The following CACNG4 variants were observed in gnomAD, a reference collection of about 807,000 sequenced individuals.
The protein encoded by CACNG4 is voltage-dependent calcium channel gamma-4 subunit.
In CACNG4, 8 loss-of-function variants were observed where a neutral mutation model predicts 22.9. The ratio of observed to expected loss-of-function variants is 0.35; its 90% CI spans 0.21 to 0.63. CACNG4 has a LOEUF of 0.63. CACNG4 is among the 30% of genes least tolerant of loss of function. The pLI, the probability that CACNG4 is intolerant of heterozygous loss-of-function variation, is 0.72. For missense variants in CACNG4, 357 were observed against 455.4 expected, an observed-to-expected ratio of 0.78 and a Z score of 1.97; for synonymous variants, 188 against 191.9, an observed-to-expected ratio of 0.98 and a Z score of 0.17.
chr17:66,998,316 G>A (rs77724271), intron 1 of CACNG4, among the ~76,000 whole-genome samples: 4,664 of 152,062 alleles, frequency 0.031, 224 homozygotes, highest in African/African-American at 0.11. Context: ...TCCAACTCTG[G>A]GCTTAGGTGA....
chr17:66,993,149 C>T (rs1423416275), intron 1 of CACNG4, among the ~76,000 whole-genome samples: 1 of 152,262 alleles, frequency 6.6e-6, no homozygotes, highest in Non-Finnish European at 1.5e-5. Flanking sequence ...GACTCCAAGG[C>T]TGCCTGACGG....
intron 1 of CACNG4, among the ~76,000 whole-genome samples, chr17:67,003,457 G>A (rs900220140): frequency 5.9e-5 from 9 of 152,070 alleles, no homozygotes; most frequent in African/African-American, 7.2e-5. Flanking sequence ...CTGTGATCAG[G>A]GGAGAAAAGT....
At position 67,002,398 on chromosome 17, in the gene CACNG4, C is replaced by T. The variant is rs149370687; in HGVS notation, c.221-15791C>T. 1.5e-4 allele frequency among the ~76,000 whole-genome samples: 23 copies of T among 152,256 alleles called. No homozygotes were observed. In the East Asian group the frequency reaches 3.9e-3, roughly 26 times the overall value. On this transcript the variant is annotated intron_variant, in intron 1 of 3. Transcript: ENST00000262138. ...GATGAGATTTGCGTGGGGACATAGC[C>T]AAACCATATCAGGGAGGTGGTGAGA...
chr17:66,996,501 T>C (rs2143317579), intron 1 of CACNG4, among the ~76,000 whole-genome samples: 1 of 150,364 alleles, frequency 6.7e-6, no homozygotes, highest in Middle Eastern at 3.4e-3. Flanking sequence ...CACCTCGGCC[T>C]CCCCAGTAGC....
chr17:66,994,816 A>G (rs929196162), intron 1 of CACNG4, among the ~76,000 whole-genome samples: 5 of 152,094 alleles, frequency 3.3e-5, no homozygotes, highest in Non-Finnish European at 7.4e-5. Flanking sequence ...ACGTTCTCAG[A>G]GGCCAGTGGT....
At chr17:66,971,339 CT>C (rs2035203500) in intron 1 of CACNG4, among the ~76,000 whole-genome samples, 1 of 151,130 alleles carries the variant, frequency 6.6e-6, no homozygotes, top group African/African-American at 2.5e-5. Context: ...AGTTCAGTGA[CT>C]TTTGACCCTT....
chr17:66,991,056 C>G (rs146187979), intron 1 of CACNG4, among the ~76,000 whole-genome samples: 3 of 152,078 alleles, frequency 2.0e-5, no homozygotes, highest in Non-Finnish European at 4.4e-5. Context: ...TGAGTCAAAC[C>G]GTAAAGCGCT....
At chr17:66,977,300 C>A (rs2143283741) in intron 1 of CACNG4, among the ~76,000 whole-genome samples, 1 of 152,278 alleles carries the variant, frequency 6.6e-6, no homozygotes, top group South Asian at 2.1e-4. Flanking sequence ...ATACCTGAAG[C>A]CCCATGGATC....
intron 1 of CACNG4, 26 bp downstream of exon 1, chr17:66,965,157 G>GCC (rs745721001): frequency 1.5e-4 from 157 of 1,074,388 alleles, no homozygotes; most frequent in African/African-American, 1.8e-4. Context: ...ACCCCTCGCC[G>GCC]CCCCACACAC....
At chr17:66,981,836 A>G (rs2035275842) in intron 1 of CACNG4, among the ~76,000 whole-genome samples, 1 of 152,250 alleles carries the variant, frequency 6.6e-6, no homozygotes, top group East Asian at 1.9e-4. Flanking sequence ...TGTTATCTCA[A>G]CTTATCTTTG....
chr17:67,022,489 C>T (rs919799465), intron 2 of CACNG4, among the ~76,000 whole-genome samples: 3 of 152,224 alleles, frequency 2.0e-5, no homozygotes, highest in African/African-American at 7.2e-5. Context: ...CCGCTGCTGC[C>T]AGAAGGCAGA....
chr17:67,012,311 T>G (rs561088784), intron 1 of CACNG4, among the ~76,000 whole-genome samples: 1 of 152,214 alleles, frequency 6.6e-6, no homozygotes, highest in Non-Finnish European at 1.5e-5. Flanking sequence ...TCTCTAAGCC[T>G]CTTTCTCCAT....
chr17:67,008,548 G>C (rs532045908), intron 1 of CACNG4, among the ~76,000 whole-genome samples: 16 of 152,132 alleles, frequency 1.1e-4, no homozygotes, highest in African/African-American at 3.6e-4. Context: ...GGGCCTGACC[G>C]GTGCCTCTGC....
At chr17:66,973,707 C>G (rs942194233) in intron 1 of CACNG4, among the ~76,000 whole-genome samples, 1 of 152,208 alleles carries the variant, frequency 6.6e-6, no homozygotes, top group South Asian at 2.1e-4. Context: ...GCGGCACTGC[C>G]CTCCATGACA....
chr17:67,024,989 T>G lies in CACNG4; in HGVS notation c.434T>G (p.Phe145Cys). 1 of 1,594,762 alleles carries G rather than the reference T, an allele frequency of 6.3e-7. No individual in the cohort carries two copies. Among genetic ancestry groups the G allele is most frequent in the Non-Finnish European group, 8.5e-7 (1 of 1,172,696 alleles). ...ATCGTCCTCAGTGCCGGCATCCTCT[T>G]CGTGGCTGCAGGTGAGCCGCCCGCC... ...NNIVLSAGILFVAAGLSNIIG... is the reference protein window; with the variant it reads ...NNIVLSAGILCVAAGLSNIIG... The change falls in exon 3 of 4, where the codon TTC becomes TGC. Residue 145 changes from phenylalanine (F) to cysteine (C), a missense_variant. Phe to Cys is a radical substitution (Grantham distance 205). This residue lies in a region of CACNG4 where 240 missense variants were observed against 277.6 expected (regional missense o/e 0.86). Transcript: ENST00000262138.
At chr17:67,024,813 C>A (rs976003507) in intron 2 of CACNG4, 47 bp from the exon 3 acceptor site, 2 of 1,453,562 alleles carry the variant, frequency 1.4e-6, no homozygotes, top group East Asian at 2.6e-5. Context: ...CGGGAGGGCA[C>A]CTGATCTCAC....
At chr17:66,971,218 G>T (rs925335727) in intron 1 of CACNG4, among the ~76,000 whole-genome samples, 3 of 151,042 alleles carry the variant, frequency 2.0e-5, no homozygotes, top group African/African-American at 7.4e-5. Context: ...CCTCATGGAG[G>T]GTCCTTGCTG....
At chr17:66,987,424 G>A (rs1049133818) in intron 1 of CACNG4, among the ~76,000 whole-genome samples, 1 of 152,126 alleles carries the variant, frequency 6.6e-6, no homozygotes, top group Non-Finnish European at 1.5e-5. Flanking sequence ...TTACTAAATG[G>A]TCATTATCAT....
chr17:67,029,115 G>A (rs1013789532), intron 3 of CACNG4, among the ~76,000 whole-genome samples: 2 of 152,038 alleles, frequency 1.3e-5, no homozygotes, highest in Non-Finnish European at 2.9e-5. Flanking sequence ...GGTGGATCAC[G>A]TAAGGTCCCG....
Sources: gnomAD v4.1 joint callset for allele counts (sites outside exome capture counted in the v4.1 genomes callset) on GRCh38, gnomAD v4.1.1 for gene constraint, gnomAD v4.1.1 regional missense constraint, MANE v1.5 for transcripts, NCBI Gene and HGNC (gene_info 2026-07-23, HGNC 2026-07-21) for gene names.